Variants in PCTP observed in about 807,000 individuals in gnomAD.
PCTP encodes the protein START domain-containing protein 2.
Under a neutral mutation model 31.0 loss-of-function variants are expected in PCTP, and 27 were observed. The ratio of observed to expected loss-of-function variants is 0.87; its 90% confidence interval spans 0.64 to 1.20. The LOEUF is 1.20. Ranked by LOEUF, PCTP falls within the 50% of genes most tolerant of loss-of-function variation. The pLI is 0.00. For synonymous variants in PCTP, 108 were observed against 101.2 expected (o/e 1.07, Z -0.40); for missense variants, 287 against 268.2 (o/e 1.07, Z -0.49).
intron 3 of PCTP, among the ~76,000 whole-genome samples, chr17:55,821,124 G>A (rs1042982690): frequency 3.9e-5 from 6 of 152,104 alleles, no homozygotes; most frequent in Non-Finnish European, 7.4e-5. Flanking sequence ...TTCATAATAG[G>A]CAAATAATGG....
chr17:55,816,220 C>A lies in PCTP; in HGVS notation c.318-6541C>A, dbSNP rs184891855. On this transcript the variant is annotated intron_variant, in intron 3 of 3. Transcript: ENST00000572536. ...CAATTTTATAACATTTTCATGATCA[C>A]CCCCAAAGAAATCCCAAATGTTTTA... 2.0e-4 allele frequency among the ~76,000 whole-genome samples: 31 copies of A among 152,260 alleles called. No homozygotes were observed. The East Asian group carries it at 6.0e-3, about 29-fold the overall frequency.
Position 55,776,771 on chromosome 17 carries a change from C to G in PCTP, c.*671C>G. On this transcript the variant is annotated 3_prime_UTR_variant, in exon 6 of 6. Transcript: ENST00000268896. Reference sequence around the variant, plus strand: ...GAGAAGTATCAGAGGCCTGACCGGACACATAATATGACAACCACATTTTTC... The same window carrying G: ...GAGAAGTATCAGAGGCCTGACCGGAGACATAATATGACAACCACATTTTTC... 8.9e-7 allele frequency: 1 copy of G among 1,125,134 alleles called. No individual in the cohort carries two copies. The allele number at this position is 1,125,134 out of a possible 1,614,324, so 69.7% of individuals were successfully genotyped here.
At chr17:55,808,331 G>A (rs998767819) in intron 3 of PCTP, among the ~76,000 whole-genome samples, 1 of 152,166 alleles carries the variant, frequency 6.6e-6, no homozygotes, top group Non-Finnish European at 1.5e-5. Flanking sequence ...CATTCTCTGA[G>A]AAGCATTCTC....
intron 1 of PCTP, among the ~76,000 whole-genome samples, chr17:55,756,500 A>C (rs1190036661): frequency 2.6e-5 from 4 of 152,128 alleles, no homozygotes; most frequent in African/African-American, 9.7e-5. Context: ...TCAAAGTTCA[A>C]GCACATTGGA....
At chr17:55,762,048 C>T (rs901401212) in intron 1 of PCTP, among the ~76,000 whole-genome samples, 19 of 152,088 alleles carry the variant, frequency 1.2e-4, no homozygotes, top group African/African-American at 4.3e-4. Context: ...GTTGCAGAGC[C>T]GTTCTTTTAT....
rs571024356 is a variant in PCTP at position 55,838,650 on chromosome 17, C to T, written n.506-4077C>T. 7.2e-5 allele frequency among the ~76,000 whole-genome samples: 11 copies of T among 152,184 alleles called. No individual in the cohort carries two copies. In the South Asian group the frequency reaches 8.3e-4, roughly 11 times the overall value. ...ATGATATTTATTGAATGAAGAGTGACGGAATAAACACATATCAAATGATGC... is the reference window on the plus strand; with the variant it reads ...ATGATATTTATTGAATGAAGAGTGATGGAATAAACACATATCAAATGATGC... On this transcript the variant is annotated intron_variant and non_coding_transcript_variant, in intron 5 of 5. Transcript: ENST00000576221.
At chr17:55,803,289 G>T (rs751091588) in intron 3 of PCTP, among the ~76,000 whole-genome samples, 3 of 152,036 alleles carry the variant, frequency 2.0e-5, no homozygotes, top group Non-Finnish European at 4.4e-5. Context: ...ACTGCCCAAA[G>T]GAATTTATAG....
chr17:55,767,371 C>T lies in PCTP; in HGVS notation c.178C>T (p.Leu60=). ...TTATGAGTATAAAGTCTTTGGTGTT[C>T]TGGAGGACTGCTCACCAACTCTACT... The part of the protein sequence containing the change: ...GLYEYKVFGV[L]EDCSPTLLAD... Residue 60 remains leucine, a synonymous_variant, in exon 2 of 6, where the codon CTG becomes TTG. Transcript: ENST00000268896. The T allele has an allele frequency of 1.9e-6, 3 of 1,613,140 alleles. No homozygotes were observed. In the African/African-American group the frequency reaches 4.0e-5, roughly 22 times the overall value.
chr17:55,852,179 C>G, the PCTP span, among the ~76,000 whole-genome samples: 1 of 152,060 alleles, frequency 6.6e-6, no homozygotes, highest in African/African-American at 2.4e-5. Flanking sequence ...ACTAGAATCT[C>G]AGAATAAGTG....
chr17:55,780,583 A>G (rs758073988), downstream of PCTP, among the ~76,000 whole-genome samples: 23 of 152,206 alleles, frequency 1.5e-4, no homozygotes, highest in Non-Finnish European at 3.1e-4. Context: ...AATCTGCCCC[A>G]CATTCATGTA....
chr17:55,845,887 G>GGTGTGTGTGTGTGTGT (rs34179575), downstream of PCTP, among the ~76,000 whole-genome samples: 1,082 of 143,028 alleles, frequency 7.6e-3, 11 homozygotes, highest in Middle Eastern at 0.027. Flanking sequence ...AGAGGGTTGG[G>GGTGTGTGTGTGTGTGT]GTGTGTGTGT....
chr17:55,754,593 C>CT (rs1332386329), intron 1 of PCTP, among the ~76,000 whole-genome samples: 1 of 152,164 alleles, frequency 6.6e-6, no homozygotes, highest in East Asian at 1.9e-4. Context: ...TGAAATATGA[C>CT]TGGACAGAAA....
chr17:55,778,761 C>T (rs964443336), downstream of PCTP, among the ~76,000 whole-genome samples: 82 of 152,090 alleles, frequency 5.4e-4, 1 homozygote, highest in African/African-American at 2.0e-3. Flanking sequence ...GAATTGAGTC[C>T]GGCTGAGATT....
chr17:55,770,412 G>A (rs1291110356), intron 2 of PCTP: 2 of 152,178 alleles, frequency 1.3e-5, no homozygotes, highest in East Asian at 3.8e-4. Context: ...AATCCTAAAG[G>A]GGAATTAAAG....
rs1567717916 is a variant in PCTP, at chr17:55,776,065, G to GC, written c.611dup (p.Arg205LysfsTer23). On this transcript the variant is annotated frameshift_variant, in exon 6 of 6. Coordinates refer to ENST00000268896, the MANE Select transcript of PCTP (RefSeq NM_021213.4). LOFTEE classifies it high-confidence loss of function. ...AGTTCCTAACTTCTTGAAAGACATGGCAAGAGCCTGTCAGAACTACCTCAA... is the reference window on the plus strand; with the variant it reads ...AGTTCCTAACTTCTTGAAAGACATGGCCAAGAGCCTGTCAGAACTACCTCAA... 1 of 1,613,942 alleles carries GC rather than the reference G, an allele frequency of 6.2e-7. No homozygotes were observed. The highest frequency in any genetic ancestry group is 1.1e-5 in the South Asian group (1 of 91,038).
At chr17:55,809,432 A>G (rs1912678352) in intron 3 of PCTP, among the ~76,000 whole-genome samples, 1 of 152,122 alleles carries the variant, frequency 6.6e-6, no homozygotes, top group Non-Finnish European at 1.5e-5. Flanking sequence ...TTGATATCTC[A>G]GCTAGTAAAT....
downstream of PCTP, among the ~76,000 whole-genome samples, chr17:55,824,542 C>T (rs1393880482): frequency 2.0e-5 from 3 of 152,208 alleles, no homozygotes; most frequent in Non-Finnish European, 4.4e-5. Context: ...ATCAAAGTCT[C>T]AAACAATGAT....
At chr17:55,815,797 A>G (rs980260404) in intron 3 of PCTP, among the ~76,000 whole-genome samples, 2 of 152,178 alleles carry the variant, frequency 1.3e-5, no homozygotes, top group Non-Finnish European at 2.9e-5. Flanking sequence ...CTCCCAGGAC[A>G]TCTTTTGCTG....
At chr17:55,819,494 G>A (rs1300963406) in intron 3 of PCTP, among the ~76,000 whole-genome samples, 2 of 152,108 alleles carry the variant, frequency 1.3e-5, no homozygotes, top group Non-Finnish European at 2.9e-5. Context: ...TGTAATCCTA[G>A]CAATTTGGGA....
Sources: allele counts gnomAD v4.1 joint callset (sites outside exome capture counted in the v4.1 genomes callset), GRCh38; gene constraint gnomAD v4.1.1; transcripts MANE v1.5; gene names NCBI Gene and HGNC (gene_info 2026-07-23, HGNC 2026-07-21).